Variants in EXT1 observed in about 807,000 individuals in gnomAD.
The protein encoded by EXT1 is exostosin-1.
In EXT1, 20 loss-of-function variants were observed where a neutral mutation model predicts 82.5. The observed-to-expected ratio is 0.24, with a 90% CI of 0.17 to 0.35. The LOEUF is 0.35. Ranked by LOEUF, EXT1 falls within the 10% of genes least tolerant of loss-of-function variation. EXT1 has a pLI of 1.00. For missense variants in EXT1, 757 were observed against 936.5 expected, an observed-to-expected ratio of 0.81 and a Z score of 2.50; for synonymous variants, 348 against 350.8, an observed-to-expected ratio of 0.99 and a Z score of 0.09.
intron 1 of EXT1, among the ~76,000 whole-genome samples, chr8:117,914,533 G>A (rs1459282145): frequency 6.6e-6 from 1 of 152,148 alleles, no homozygotes; most frequent in East Asian, 1.9e-4. Context: ...GGACGTGCGA[G>A]TAGGAAAGAT....
In EXT1 at chr8:117,839,742, A is replaced by G. The variant is rs563984576; in HGVS notation, c.963-2541T>C. On this transcript the variant is annotated intron_variant, in intron 1 of 10. Coordinates refer to ENST00000378204, the MANE Select transcript of EXT1 (RefSeq NM_000127.3). Reference sequence around the variant, plus strand: ...TGCTTGATCCTCTCCTACTCAGCCCATTGTGATGCTCTTTCACACTGCACA... The same window carrying G: ...TGCTTGATCCTCTCCTACTCAGCCCGTTGTGATGCTCTTTCACACTGCACA... 1.4e-4 allele frequency among the ~76,000 whole-genome samples: 22 copies of G among 152,324 alleles called. 1 individual carries two copies. The South Asian group carries it at 2.7e-3, about 19-fold the overall frequency.
chr8:118,068,481 C>T (rs982641476), intron 1 of EXT1, among the ~76,000 whole-genome samples: 2 of 152,160 alleles, frequency 1.3e-5, no homozygotes, highest in South Asian at 2.1e-4. Flanking sequence ...CTCCCCACCC[C>T]GCTCTCCCCC....
chr8:118,062,165 G>T (rs2129944707), intron 1 of EXT1, among the ~76,000 whole-genome samples: 1 of 152,218 alleles, frequency 6.6e-6, no homozygotes, highest in East Asian at 1.9e-4. Context: ...GGTCATTATG[G>T]TTTCTGCCTC....
At chr8:117,975,845 T>G (rs1026432500) in intron 1 of EXT1, among the ~76,000 whole-genome samples, 1 of 152,218 alleles carries the variant, frequency 6.6e-6, no homozygotes, top group African/African-American at 2.4e-5. Flanking sequence ...TGATCTGACA[T>G]ACTTGTCATC....
At chr8:117,895,594 G>A (rs932149174) in intron 1 of EXT1, among the ~76,000 whole-genome samples, 8 of 152,094 alleles carry the variant, frequency 5.3e-5, no homozygotes, top group South Asian at 2.1e-4. Context: ...TGTTACTGTC[G>A]TTAATTACCT....
chr8:117,955,998 T>C (rs1157105988), intron 1 of EXT1, among the ~76,000 whole-genome samples: 1 of 152,096 alleles, frequency 6.6e-6, no homozygotes. Flanking sequence ...CTCAAAAAGA[T>C]GGAACATTAA....
chr8:117,987,004 T>C (rs1006812121), intron 1 of EXT1, among the ~76,000 whole-genome samples: 2 of 152,164 alleles, frequency 1.3e-5, no homozygotes, highest in African/African-American at 2.4e-5. Context: ...TTTTGGAAGA[T>C]TCAGGACCTG....
At chr8:117,802,308 T>A (rs141577635) in intron 10 of EXT1, among the ~76,000 whole-genome samples, 1 of 152,198 alleles carries the variant, frequency 6.6e-6, no homozygotes, top group African/African-American at 2.4e-5. Context: ...TGAAGAACTC[T>A]GAGTAAAAAA....
chr8:117,883,043 T>G (rs539646951), intron 1 of EXT1, among the ~76,000 whole-genome samples: 1 of 150,714 alleles, frequency 6.6e-6, no homozygotes, highest in Non-Finnish European at 1.5e-5. Context: ...CAAAGAGAAT[T>G]TGTTGTCTGG....
chr8:117,967,096 G>A (rs1415668847), intron 1 of EXT1, among the ~76,000 whole-genome samples: 5 of 152,100 alleles, frequency 3.3e-5, no homozygotes, highest in Non-Finnish European at 7.4e-5. Context: ...GGGAAATTCG[G>A]GCTACATCTG....
intron 1 of EXT1, among the ~76,000 whole-genome samples, chr8:118,082,759 T>C (rs1033466856): frequency 6.6e-6 from 1 of 152,234 alleles, no homozygotes; most frequent in Non-Finnish European, 1.5e-5. Context: ...TTCTTTTAAT[T>C]CCATTTCAAA....
intron 1 of EXT1, among the ~76,000 whole-genome samples, chr8:117,866,441 G>A (rs1052747836): frequency 1.3e-5 from 2 of 152,088 alleles, no homozygotes; most frequent in Admixed American, 1.3e-4. Context: ...ATGAGCTACT[G>A]GCTGCCCAGC....
Position 117,837,169 on chromosome 8 carries a change from G to C in EXT1, c.995C>G (p.Thr332Ser), listed in dbSNP as rs1386640697. Residue 332 changes from threonine to serine, a missense_variant, in exon 2 of 11, where the codon ACT becomes AGT. This residue lies in a region of EXT1 where 247 missense variants were observed against 330.1 expected (regional missense o/e 0.75). Transcript: ENST00000378204. ...GCGACCACGAGGAACCAGACAGAAA[G>C]TGGCATTGTGCAGCATTTCCCGATA... is the stretch of plus-strand genomic sequence containing the variant. ...YDYREMLHNA[T>S]FCLVPRGRRL... The C allele has an allele frequency of 1.2e-6, 2 of 1,613,914 alleles. No individual in the cohort carries two copies. The highest frequency in any genetic ancestry group is 2.7e-5 in the African/African-American group (2 of 74,910).
intron 1 of EXT1, among the ~76,000 whole-genome samples, chr8:117,855,158 T>A (rs756008227): frequency 1.4e-4 from 22 of 152,216 alleles, no homozygotes; most frequent in Non-Finnish European, 3.1e-4. Context: ...TGTAAAGTTG[T>A]CGGAAATCAT....
At position 117,861,986 on chromosome 8, in the gene EXT1, T is replaced by C. The variant is rs759698606; in HGVS notation, c.963-24785A>G. On this transcript the variant is annotated intron_variant, in intron 1 of 10. Transcript: ENST00000378204. ...ACTATAAATTTTAAGCCACGGACAT[T>C]AGTGTGAAACTTTACAGCTTCAAAC... is the stretch of plus-strand genomic sequence containing the variant. 5.5e-5 allele frequency among the ~76,000 whole-genome samples: 8 copies of C among 145,824 alleles called. 1 individual carries two copies. The highest frequency in any genetic ancestry group is 7.7e-5 in the Non-Finnish European group (5 of 64,914).
intron 1 of EXT1, among the ~76,000 whole-genome samples, chr8:117,941,320 G>C (rs1449517617): frequency 6.6e-6 from 1 of 152,188 alleles, no homozygotes; most frequent in Non-Finnish European, 1.5e-5. Flanking sequence ...CCACTGGACA[G>C]TTAGAGGAAG....
chr8:117,869,749 G>A (rs1486989036), intron 1 of EXT1, among the ~76,000 whole-genome samples: 2 of 152,072 alleles, frequency 1.3e-5, no homozygotes, highest in African/African-American at 2.4e-5. Flanking sequence ...ACTTGAAAAG[G>A]AAGGGTGGAG....
chr8:117,887,647 G>T (rs1813170787), intron 1 of EXT1, among the ~76,000 whole-genome samples: 1 of 149,280 alleles, frequency 6.7e-6, no homozygotes, highest in Non-Finnish European at 1.5e-5. Flanking sequence ...AACATGCCCA[G>T]CCCCCTTTCT....
intron 1 of EXT1, among the ~76,000 whole-genome samples, chr8:117,998,728 A>G (rs1020678960): frequency 6.6e-6 from 1 of 152,202 alleles, no homozygotes; most frequent in African/African-American, 2.4e-5. Context: ...GAATACAGGC[A>G]AGGCTGCTGG....
Sources: allele counts gnomAD v4.1 joint callset (sites outside exome capture counted in the v4.1 genomes callset), GRCh38; gene constraint gnomAD v4.1.1; regional missense constraint gnomAD v4.1.1; transcripts MANE v1.5; gene names NCBI Gene and HGNC (gene_info 2026-07-23, HGNC 2026-07-21).